PPFIA2: variants seen among roughly 807,000 people sequenced by gnomAD.
PPFIA2 encodes liprin-alpha-2.
A neutral mutation model predicts 175.5 loss-of-function variants in PPFIA2; 46 were observed. The ratio of observed to expected loss-of-function variants is 0.26; its 90% CI spans 0.21 to 0.34. The LOEUF (loss-of-function observed/expected upper bound fraction) is 0.34. Among genes scored for constraint, PPFIA2 ranks in the 10% least tolerant of loss-of-function variants. The probability of loss-of-function intolerance (pLI) is 1.00; values close to 1 mark genes in which losing one functional copy is unlikely to be tolerated. For missense variants in PPFIA2, 1,179 were observed against 1,506.1 expected (o/e 0.78, Z 3.60); for synonymous variants, 568 against 511.4 (o/e 1.11, Z -1.49).
intron 3 of PPFIA2, among the ~76,000 whole-genome samples, chr12:81,708,842 T>C (rs1040047641): frequency 2.0e-5 from 3 of 152,186 alleles, no homozygotes; most frequent in Non-Finnish European, 2.9e-5. Context: ...TCAATGAACC[T>C]GAATCCATGT....
At chr12:81,413,263 T>C (rs1461165614) in intron 7 of PPFIA2, among the ~76,000 whole-genome samples, 2 of 151,622 alleles carry the variant, frequency 1.3e-5, no homozygotes, top group African/African-American at 2.4e-5. Context: ...GATGACAGGC[T>C]ACATGAATGA....
intron 7 of PPFIA2, among the ~76,000 whole-genome samples, chr12:81,410,139 C>T (rs1384344647): frequency 6.6e-6 from 1 of 152,162 alleles, no homozygotes; most frequent in Non-Finnish European, 1.5e-5. Context: ...CCTTCCAAAT[C>T]TGCTGATGCC....
intron 3 of PPFIA2, among the ~76,000 whole-genome samples, chr12:81,709,994 G>T (rs1353211602): frequency 6.6e-6 from 1 of 151,716 alleles, no homozygotes; most frequent in African/African-American, 2.4e-5. Context: ...ATGAATACTT[G>T]CCAATTCAAT....
chr12:81,385,109 T>C (rs189764294), intron 8 of PPFIA2, among the ~76,000 whole-genome samples: 12 of 152,164 alleles, frequency 7.9e-5, no homozygotes, highest in Admixed American at 2.6e-4. Context: ...GAAAAAATGC[T>C]CAATACCAAC....
chr12:81,604,425 GAA>G (rs988673152), intron 4 of PPFIA2, among the ~76,000 whole-genome samples: 1 of 145,704 alleles, frequency 6.9e-6, no homozygotes, highest in Admixed American at 6.8e-5. Context: ...TTCCTGTTTG[GAA>G]AAAAAAAAGA....
At chr12:81,748,634 G>A (rs1568119292) in intron 3 of PPFIA2, among the ~76,000 whole-genome samples, 1 of 144,590 alleles carries the variant, frequency 6.9e-6, no homozygotes, top group Non-Finnish European at 1.6e-5. Context: ...CCAACCTTCA[G>A]CTAGCCAGTG....
chr12:81,543,303 C>T (rs1314658642), intron 4 of PPFIA2, among the ~76,000 whole-genome samples: 1 of 152,004 alleles, frequency 6.6e-6, no homozygotes, highest in East Asian at 1.9e-4. Flanking sequence ...AATAAATAAA[C>T]CACACACCAA....
chr12:81,449,126 C>G (rs138558544), intron 5 of PPFIA2, among the ~76,000 whole-genome samples: 1 of 152,098 alleles, frequency 6.6e-6, no homozygotes, highest in African/African-American at 2.4e-5. Context: ...GCCACCATGT[C>G]GTATTTCTCA....
chr12:81,730,901 C>CA (rs367916852), intron 3 of PPFIA2, among the ~76,000 whole-genome samples: 19,143 of 147,678 alleles, frequency 0.13, 1,436 homozygotes, highest in Non-Finnish European at 0.17. Context: ...CTTGTTATGA[C>CA]AAAAAAAAAA....
intron 4 of PPFIA2, among the ~76,000 whole-genome samples, chr12:81,672,561 G>A (rs117573501): frequency 0.053 from 8,006 of 151,968 alleles, 249 homozygotes; most frequent in Admixed American, 0.079. Context: ...AATTAGATGG[G>A]TAATCACTTA....
At chr12:81,597,960 T>G (rs1404845006) in intron 4 of PPFIA2, 1 of 1,535,044 alleles carries the variant, frequency 6.5e-7, no homozygotes, top group East Asian at 2.4e-5. Context: ...ACTTGAAAAG[T>G]GTAAAACCGG....
At chr12:81,733,538 T>G (rs2081197105) in intron 3 of PPFIA2, among the ~76,000 whole-genome samples, 1 of 151,718 alleles carries the variant, frequency 6.6e-6, no homozygotes, top group African/African-American at 2.4e-5. Context: ...TCTCTGACAC[T>G]TACCAGTAAT....
intron 4 of PPFIA2, among the ~76,000 whole-genome samples, chr12:81,481,543 TAC>T (rs1342245878): frequency 6.6e-6 from 1 of 151,776 alleles, no homozygotes; most frequent in African/African-American, 2.4e-5. Flanking sequence ...CCAAAAAAAA[TAC>T]ATAGACCAAT....
At chr12:81,582,444 A>G (rs866237848) in intron 4 of PPFIA2, among the ~76,000 whole-genome samples, 1 of 151,882 alleles carries the variant, frequency 6.6e-6, no homozygotes, top group African/African-American at 2.4e-5. Context: ...TAATAAAATT[A>G]GATTAACGCA....
intron 4 of PPFIA2, among the ~76,000 whole-genome samples, chr12:81,558,737 G>A (rs1330054931): frequency 6.6e-6 from 1 of 152,130 alleles, no homozygotes; most frequent in Non-Finnish European, 1.5e-5. Context: ...GTAATGGCAG[G>A]TGTGGGCAGA....
At chr12:81,462,703 C>T (rs1374954511) in intron 4 of PPFIA2, among the ~76,000 whole-genome samples, 1 of 150,342 alleles carries the variant, frequency 6.7e-6, no homozygotes, top group Non-Finnish European at 1.5e-5. Flanking sequence ...TGCAGTATAC[C>T]TCCCACCTAG....
chr12:81,692,868 C>A (rs775815917), intron 3 of PPFIA2, among the ~76,000 whole-genome samples: 5 of 151,862 alleles, frequency 3.3e-5, no homozygotes, highest in Non-Finnish European at 5.9e-5. Context: ...AGTTTTGATA[C>A]CCTAAAGCCA....
At chr12:81,292,392 A>T (rs2137683419) in intron 24 of PPFIA2, 1 of 152,230 alleles carries the variant, frequency 6.6e-6, no homozygotes, top group African/African-American at 2.4e-5. Flanking sequence ...ACTTATACAC[A>T]GACTTTCTTC....
At chr12:81,277,264 A>G in intron 28 of PPFIA2, 53 bp downstream of exon 28, 3 of 1,456,312 alleles carry the variant, frequency 2.1e-6, no homozygotes, top group Admixed American at 2.5e-5. Flanking sequence ...AGTAAAAGTG[A>G]AAGCTAAAAA....
Sources: gnomAD v4.1 joint callset for allele counts (sites outside exome capture counted in the v4.1 genomes callset) on GRCh38, gnomAD v4.1.1 for gene constraint, MANE v1.5 for transcripts, NCBI Gene and HGNC (gene_info 2026-07-23, HGNC 2026-07-21) for gene names.